PCDH15: variants seen among roughly 807,000 people sequenced by gnomAD.
PCDH15 encodes the protein protocadherin-15.
In PCDH15, 129 loss-of-function variants were observed where a neutral mutation model predicts 178.5. The observed-to-expected ratio is 0.72, with a 90% CI of 0.63 to 0.84. PCDH15 has a LOEUF of 0.84. PCDH15 is among the 40% of genes least tolerant of loss of function. The pLI is 0.00. For synonymous variants in PCDH15, 800 were observed against 732.0 expected (o/e 1.09, Z -1.50); for missense variants, 2,230 against 2,099.9 (o/e 1.06, Z -1.21).
At chr10:54,112,736 T>C (rs1276662228) in intron 15 of PCDH15, among the ~76,000 whole-genome samples, 1 of 152,146 alleles carries the variant, frequency 6.6e-6, no homozygotes, top group East Asian at 1.9e-4. Context: ...CATTTTTACA[T>C]ATAAGAAAAA....
intron 2 of PCDH15, among the ~76,000 whole-genome samples, chr10:55,059,239 T>C (rs1841374850): frequency 1.3e-5 from 2 of 152,144 alleles, no homozygotes; most frequent in African/African-American, 4.8e-5. Context: ...AAAACCTTCC[T>C]ACCAACCCAT....
intron 1 of PCDH15, among the ~76,000 whole-genome samples, chr10:54,669,254 T>A (rs1234145761): frequency 1.3e-5 from 2 of 152,002 alleles, no homozygotes; most frequent in Admixed American, 6.6e-5. Context: ...AAATGTGTAA[T>A]ATGAAGTTTA....
intron 2 of PCDH15, among the ~76,000 whole-genome samples, chr10:55,059,307 T>G (rs1050501067): frequency 5.3e-5 from 8 of 152,332 alleles, no homozygotes; most frequent in Non-Finnish European, 7.4e-5. Flanking sequence ...ATATATTTTA[T>G]GCCCACTTTA....
intron 21 of PCDH15, among the ~76,000 whole-genome samples, chr10:53,985,575 G>T (rs565103417): frequency 6.6e-6 from 1 of 152,272 alleles, no homozygotes; most frequent in East Asian, 1.9e-4. Context: ...CACAATGGTA[G>T]TGTAGTCAAA....
chr10:54,852,071 C>T (rs1312934860), intron 3 of PCDH15, among the ~76,000 whole-genome samples: 2 of 152,028 alleles, frequency 1.3e-5, no homozygotes, highest in Admixed American at 6.6e-5. Context: ...AGTAATACAG[C>T]GTTTATTATT....
At chr10:54,619,958 G>C (rs1421295780) in intron 2 of PCDH15, among the ~76,000 whole-genome samples, 1 of 151,938 alleles carries the variant, frequency 6.6e-6, no homozygotes, top group African/African-American at 2.4e-5. Flanking sequence ...GGTAAGAATG[G>C]TTTTGACATT....
At chr10:54,629,273 A>G (rs1329828877) in intron 2 of PCDH15, among the ~76,000 whole-genome samples, 1 of 152,182 alleles carries the variant, frequency 6.6e-6, no homozygotes, top group Admixed American at 6.6e-5. Context: ...TAAACATTAA[A>G]GAACTTTATA....
At chr10:54,845,118 T>G (rs1250426053) in intron 3 of PCDH15, among the ~76,000 whole-genome samples, 2 of 151,356 alleles carry the variant, frequency 1.3e-5, no homozygotes, top group Non-Finnish European at 2.9e-5. Flanking sequence ...GAAAAGCCTT[T>G]TTTTCTTTTT....
At chr10:54,792,876 G>A (rs1288362701) in intron 1 of PCDH15, among the ~76,000 whole-genome samples, 1 of 151,768 alleles carries the variant, frequency 6.6e-6, no homozygotes, top group African/African-American at 2.4e-5. Context: ...GGCAGGGTGG[G>A]ATCTTATATC....
At chr10:54,605,023 C>G (rs759441245) in intron 2 of PCDH15, among the ~76,000 whole-genome samples, 1 of 151,788 alleles carries the variant, frequency 6.6e-6, no homozygotes, top group African/African-American at 2.4e-5. Context: ...CTCTTCCACA[C>G]AAAAACTTCA....
At position 54,199,824 on chromosome 10, in the gene PCDH15, G is replaced by A. The variant is rs115009900; in HGVS notation, c.1099-3935C>T. Among the ~76,000 whole-genome samples, 924 of 152,042 alleles carry A rather than the reference G, an allele frequency of 6.1e-3. 9 individuals carry two copies. Among genetic ancestry groups the A allele is most frequent in the African/African-American group, 0.018 (758 of 41,480 alleles). ...CTTATTTATATTTACAGAGTCTATAGTTACGAGTTAAACATTATATTTAAG... is the reference window on the plus strand; with the variant it reads ...CTTATTTATATTTACAGAGTCTATAATTACGAGTTAAACATTATATTTAAG... On this transcript the variant is annotated intron_variant, in intron 10 of 37. Transcript: ENST00000644397.
chr10:54,026,355 C>T (rs1250355082), intron 18 of PCDH15, among the ~76,000 whole-genome samples: 1 of 152,092 alleles, frequency 6.6e-6, no homozygotes, highest in African/African-American at 2.4e-5. Flanking sequence ...CAGGCATGAG[C>T]CATCTCACCT....
chr10:53,844,797 A>G (rs1331098695), intron 28 of PCDH15, among the ~76,000 whole-genome samples: 1 of 152,074 alleles, frequency 6.6e-6, no homozygotes, highest in Non-Finnish European at 1.5e-5. Context: ...TATTGGGAAG[A>G]GACTTCAGGA....
At chr10:54,789,203 C>G (rs906152609) in intron 1 of PCDH15, among the ~76,000 whole-genome samples, 12 of 151,736 alleles carry the variant, frequency 7.9e-5, no homozygotes, top group African/African-American at 2.7e-4. Flanking sequence ...AAAGCAAATA[C>G]AAAAACAAAA....
At chr10:55,295,244 C>T (rs1255294005) in intron 1 of PCDH15, among the ~76,000 whole-genome samples, 2 of 152,146 alleles carry the variant, frequency 1.3e-5, no homozygotes, top group Non-Finnish European at 2.9e-5. Context: ...TCTTCATTTT[C>T]TAAAAGTATT....
intron 1 of PCDH15, among the ~76,000 whole-genome samples, chr10:54,737,069 G>A (rs1209089696): frequency 2.6e-5 from 4 of 152,112 alleles, no homozygotes; most frequent in Admixed American, 2.0e-4. Flanking sequence ...GGGTCCCAAA[G>A]CATTACATGC....
chr10:55,289,712 TG>T (rs1247053585), intron 1 of PCDH15, among the ~76,000 whole-genome samples: 1 of 152,114 alleles, frequency 6.6e-6, no homozygotes, highest in Non-Finnish European at 1.5e-5. Context: ...TGCTATGGTT[TG>T]AATGTATCCC....
intron 2 of PCDH15, among the ~76,000 whole-genome samples, chr10:55,471,633 T>C (rs1839957385): frequency 6.6e-6 from 1 of 152,208 alleles, no homozygotes; most frequent in South Asian, 2.1e-4. Flanking sequence ...ACTCCCAACC[T>C]AAAGTGATCC....
intron 26 of PCDH15, among the ~76,000 whole-genome samples, chr10:53,886,329 G>A (rs1589249623): frequency 6.6e-6 from 1 of 152,048 alleles, no homozygotes; most frequent in African/African-American, 2.4e-5. Context: ...GCCCACTCAT[G>A]GTTAAATAAA....
Sources: allele counts gnomAD v4.1 joint callset (sites outside exome capture counted in the v4.1 genomes callset), GRCh38; gene constraint gnomAD v4.1.1; transcripts MANE v1.5; gene names NCBI Gene and HGNC (gene_info 2026-07-23, HGNC 2026-07-21).